CLVS1: variants seen among roughly 807,000 people sequenced by gnomAD.
The protein encoded by CLVS1 is clavesin 1.
In CLVS1, 10 loss-of-function variants were observed where a neutral mutation model predicts 33.1. The observed-to-expected ratio is 0.30, with a 90% confidence interval of 0.19 to 0.51. The LOEUF is 0.51. Among genes scored for constraint, CLVS1 ranks in the 20% least tolerant of loss-of-function variants. The pLI is 0.97. For synonymous variants in CLVS1, 163 were observed against 166.1 expected, an observed-to-expected ratio of 0.98 and a Z score of 0.14; for missense variants, 343 against 433.4, an observed-to-expected ratio of 0.79 and a Z score of 1.85.
rs1400141448 is a variant in CLVS1 at position 61,501,251 on chromosome 8, T to G, written c.*1709T>G. On this transcript the variant is annotated 3_prime_UTR_variant, in exon 6 of 6. Transcript: ENST00000325897. ...AAGTGAATTAGAAAATCCATTTTATTGCTTGGGTTTAAAATAGTTGTGGGA... is the reference window on the plus strand; with the variant it reads ...AAGTGAATTAGAAAATCCATTTTATGGCTTGGGTTTAAAATAGTTGTGGGA... 1 of 152,192 alleles carries G rather than the reference T, an allele frequency of 6.6e-6. No homozygotes were observed. Among genetic ancestry groups the G allele is most frequent in the East Asian group, 1.9e-4 (1 of 5,202 alleles). 9.4% of individuals were successfully genotyped at this position (152,192 alleles called of 1,614,324 possible).
At chr8:61,428,634 C>T (rs192063170) in intron 3 of CLVS1, among the ~76,000 whole-genome samples, 6 of 152,294 alleles carry the variant, frequency 3.9e-5, no homozygotes, top group Non-Finnish European at 5.9e-5. Context: ...CCCCTTACAG[C>T]GGATTGAAGT....
chr8:61,163,864 G>T (rs1026187616), intron 2 of CLVS1, among the ~76,000 whole-genome samples: 1 of 152,150 alleles, frequency 6.6e-6, no homozygotes, highest in Non-Finnish European at 1.5e-5. Flanking sequence ...AGTCAATGGC[G>T]TGTCTGCCAT....
Position 61,415,915 on chromosome 8 carries a change from A to C in CLVS1, c.631-38226A>C, listed in dbSNP as rs78654406. Among the ~76,000 whole-genome samples the C allele has an allele frequency of 8.7e-3, 1,326 of 152,288 alleles. 16 individuals carry two copies. The highest frequency in any genetic ancestry group is 0.03 in the African/African-American group (1,235 of 41,568). Reference sequence around the variant, plus strand: ...TTTGTGCATGAATACACACTAACAAAAAGTTTGGAGACCCCTGCACTAGAA... The same window carrying C: ...TTTGTGCATGAATACACACTAACAACAAGTTTGGAGACCCCTGCACTAGAA... On this transcript the variant is annotated intron_variant, in intron 3 of 5. Coordinates refer to ENST00000325897, the MANE Select transcript of CLVS1 (RefSeq NM_173519.3).
At chr8:61,376,545 C>A in intron 2 of CLVS1, 60 bp from the exon 3 acceptor site, 3 of 1,520,538 alleles carry the variant, frequency 2.0e-6, no homozygotes, top group Non-Finnish European at 2.7e-6. Flanking sequence ...CACTGTTGCA[C>A]GCAACATGCT....
chr8:61,470,972 A>G (rs1182414815), intron 5 of CLVS1, among the ~76,000 whole-genome samples: 2 of 152,204 alleles, frequency 1.3e-5, no homozygotes, highest in Admixed American at 6.5e-5. Flanking sequence ...AGCACCAACA[A>G]GCGCCCTCAC....
At chr8:61,434,832 A>G (rs1293245088) in intron 3 of CLVS1, among the ~76,000 whole-genome samples, 3 of 152,174 alleles carry the variant, frequency 2.0e-5, no homozygotes, top group African/African-American at 7.2e-5. Context: ...TCAGTTGATT[A>G]TCTCCCGGGT....
chr8:61,354,046 A>G (rs1812585051), intron 2 of CLVS1, among the ~76,000 whole-genome samples: 1 of 152,008 alleles, frequency 6.6e-6, no homozygotes, highest in African/African-American at 2.4e-5. Flanking sequence ...AAGGTGAAAT[A>G]GATAATCTGA....
chr8:61,488,949 C>T (rs1445932916), intron 5 of CLVS1, among the ~76,000 whole-genome samples: 1 of 152,158 alleles, frequency 6.6e-6, no homozygotes, highest in African/African-American at 2.4e-5. Flanking sequence ...CACTCCCTTT[C>T]TCTACTCTCA....
intron 5 of CLVS1, among the ~76,000 whole-genome samples, chr8:61,496,887 C>T (rs1312800607): frequency 3.3e-5 from 5 of 152,174 alleles, no homozygotes; most frequent in Non-Finnish European, 7.3e-5. Context: ...ATAAACCTGT[C>T]AACATCTCCA....
chr8:61,069,570 T>A (rs1380491528), intron 1 of CLVS1, among the ~76,000 whole-genome samples: 1 of 152,188 alleles, frequency 6.6e-6, no homozygotes, highest in African/African-American at 2.4e-5. Context: ...GCTGGGCTTG[T>A]GTCTTCCTCT....
At chr8:61,048,826 C>A in the CLVS1 span, among the ~76,000 whole-genome samples, 1 of 152,036 alleles carries the variant, frequency 6.6e-6, no homozygotes, top group Non-Finnish European at 1.5e-5. Context: ...ATCCTTCCCT[C>A]TTCCCCTCCC....
At position 61,395,284 on chromosome 8, in the gene CLVS1, T is replaced by A. The variant is rs148601535; in HGVS notation, c.630+18505T>A. On this transcript the variant is annotated intron_variant, in intron 3 of 5. Transcript: ENST00000325897. ...ATAGATGCAGAAACTAGAAAGGTGG[T>A]TACCAGAGGCTGGGGGAGAGGGGGA... Among the ~76,000 whole-genome samples the A allele has an allele frequency of 1.8e-4, 28 of 152,214 alleles. 2 individuals are homozygous for A. In the East Asian group the frequency reaches 5.2e-3, roughly 28 times the overall value.
intron 2 of CLVS1, among the ~76,000 whole-genome samples, chr8:61,215,102 C>A (rs1361453149): frequency 6.6e-6 from 1 of 152,084 alleles, no homozygotes; most frequent in Non-Finnish European, 1.5e-5. Context: ...CCCATTCCAA[C>A]CCTAACCACT....
At chr8:61,453,439 G>C (rs1212120652) in intron 3 of CLVS1, among the ~76,000 whole-genome samples, 4 of 152,080 alleles carry the variant, frequency 2.6e-5, no homozygotes, top group Non-Finnish European at 5.9e-5. Context: ...TATTATTTAC[G>C]AAATAGGTTG....
At chr8:61,197,721 T>C (rs1295405872) in intron 2 of CLVS1, among the ~76,000 whole-genome samples, 1 of 152,218 alleles carries the variant, frequency 6.6e-6, no homozygotes, top group African/African-American at 2.4e-5. Flanking sequence ...GATTTGGCCA[T>C]GTTGGCCAGG....
intron 2 of CLVS1, among the ~76,000 whole-genome samples, chr8:61,223,648 T>C (rs1808270109): frequency 6.6e-6 from 1 of 152,182 alleles, no homozygotes; most frequent in Non-Finnish European, 1.5e-5. Context: ...ATCTGATGAT[T>C]ATGTGTCTTG....
intron 1 of CLVS1, among the ~76,000 whole-genome samples, chr8:61,116,598 A>G (rs999649701): frequency 3.3e-5 from 5 of 151,966 alleles, no homozygotes; most frequent in South Asian, 2.1e-4. Flanking sequence ...TGGCTAGCCA[A>G]TTTTCCCAGC....
At chr8:61,377,802 A>G (rs886083163) in intron 3 of CLVS1, 1 of 152,222 alleles carries the variant, frequency 6.6e-6, no homozygotes, top group East Asian at 1.9e-4. Context: ...ATTGAAATGT[A>G]TCCTATTTCC....
chr8:61,239,949 CA>C (rs1808657247), intron 2 of CLVS1, among the ~76,000 whole-genome samples: 1 of 152,146 alleles, frequency 6.6e-6, no homozygotes, highest in Admixed American at 6.5e-5. Flanking sequence ...CAGGAGGCTG[CA>C]GAGCCATAGA....
Sources: allele counts gnomAD v4.1 joint callset (sites outside exome capture counted in the v4.1 genomes callset), GRCh38; gene constraint gnomAD v4.1.1; transcripts MANE v1.5; gene names NCBI Gene and HGNC (gene_info 2026-07-23, HGNC 2026-07-21).